INPP4B: variants seen among roughly 807,000 people sequenced by gnomAD.
INPP4B encodes the protein inositol polyphosphate-4-phosphatase type II B, also known as inositol polyphosphate 4-phosphatase type II.
In INPP4B, 55 loss-of-function variants were observed where a neutral mutation model predicts 122.5. The observed-to-expected ratio is 0.45, with a 90% confidence interval of 0.36 to 0.56. The LOEUF is 0.56. Ranked by LOEUF, INPP4B falls within the 20% of genes least tolerant of loss-of-function variation. The pLI is 0.00. For synonymous variants in INPP4B, 403 were observed against 388.7 expected (o/e 1.04, Z -0.43); for missense variants, 1,000 against 1,097.7 (o/e 0.91, Z 1.26).
At chr4:142,522,724 A>C (rs1455429762) in intron 2 of INPP4B, among the ~76,000 whole-genome samples, 1 of 152,074 alleles carries the variant, frequency 6.6e-6, no homozygotes, top group East Asian at 1.9e-4. Context: ...CACAATAAGA[A>C]CATGGGTTTT....
At chr4:142,348,944 G>C (rs1243430746) in intron 7 of INPP4B, among the ~76,000 whole-genome samples, 2 of 152,106 alleles carry the variant, frequency 1.3e-5, no homozygotes, top group Non-Finnish European at 1.5e-5. Flanking sequence ...TTACAGCTCA[G>C]CCTTGCCAGC....
chr4:142,105,238 A>C (rs1163894102), intron 23 of INPP4B, among the ~76,000 whole-genome samples: 1 of 152,170 alleles, frequency 6.6e-6, no homozygotes, highest in Non-Finnish European at 1.5e-5. Flanking sequence ...ATTTATTCCA[A>C]ATGAAACTGA....
intron 16 of INPP4B, among the ~76,000 whole-genome samples, chr4:142,161,317 C>T (rs1819976663): frequency 1.3e-5 from 2 of 151,960 alleles, no homozygotes; most frequent in South Asian, 2.1e-4. Context: ...TTTGCAATTT[C>T]CTGATGAAAT....
intron 1 of INPP4B, among the ~76,000 whole-genome samples, chr4:142,750,199 T>A (rs1769457516): frequency 6.6e-6 from 1 of 151,930 alleles, no homozygotes; most frequent in Non-Finnish European, 1.5e-5. Context: ...AGAATATCAA[T>A]ACATATGTGG....
chr4:142,464,314 A>G (rs1817312317), intron 2 of INPP4B, among the ~76,000 whole-genome samples: 1 of 152,190 alleles, frequency 6.6e-6, no homozygotes, highest in Admixed American at 6.6e-5. Context: ...TTATTTGGTC[A>G]AAAGATGTAG....
At chr4:142,658,108 A>G in intron 2 of INPP4B, among the ~76,000 whole-genome samples, 1 of 152,222 alleles carries the variant, frequency 6.6e-6, no homozygotes, top group East Asian at 1.9e-4. Context: ...GGTTATGTTA[A>G]GTTATTGTAA....
chr4:142,774,272 G>A (rs1006283881), intron 1 of INPP4B, among the ~76,000 whole-genome samples: 1 of 151,410 alleles, frequency 6.6e-6, no homozygotes, highest in Non-Finnish European at 1.5e-5. Context: ...GTTGGCTAAC[G>A]CACCTGAGAT....
Position 142,305,547 on chromosome 4 carries a change from A to G in INPP4B, c.424-10T>C. 1 of 1,608,324 alleles carries G rather than the reference A, an allele frequency of 6.2e-7. No homozygotes were observed. The highest frequency in any genetic ancestry group is 8.5e-7 in the Non-Finnish European group (1 of 1,177,504). ...AGCCCAAGAAACTTCGCTGAAAATA[A>G]CAGAAAGAATGGTTTCATTAACTTG... On this transcript the variant is annotated splice_polypyrimidine_tract_variant and intron_variant, in intron 8 of 25. Coordinates refer to ENST00000262992, the MANE Select transcript of INPP4B (RefSeq NM_001101669.3).
intron 7 of INPP4B, among the ~76,000 whole-genome samples, chr4:142,333,012 A>T (rs891154799): frequency 7.4e-6 from 1 of 136,054 alleles, no homozygotes; most frequent in African/African-American, 3.1e-5. Context: ...CTCCGTCTCA[A>T]AAAAAAAAAA....
At chr4:142,841,052 A>G (rs754056338) in intron 1 of INPP4B, among the ~76,000 whole-genome samples, 1 of 152,066 alleles carries the variant, frequency 6.6e-6, no homozygotes, top group Non-Finnish European at 1.5e-5. Flanking sequence ...TTTAAAAAAA[A>G]GTGATTTTTA....
At chr4:142,784,726 GT>G (rs112447468) in intron 1 of INPP4B, among the ~76,000 whole-genome samples, 2 of 150,842 alleles carry the variant, frequency 1.3e-5, no homozygotes, top group African/African-American at 4.9e-5. Context: ...TGAGAAAAAT[GT>G]TTTTTTTTGG....
chr4:142,051,256 T>G (rs1754436168), intron 25 of INPP4B, among the ~76,000 whole-genome samples: 1 of 152,052 alleles, frequency 6.6e-6, no homozygotes, highest in Non-Finnish European at 1.5e-5. Context: ...GTTTTGAACA[T>G]AATACCTTTA....
intron 5 of INPP4B, among the ~76,000 whole-genome samples, chr4:142,413,798 G>A (rs1805105385): frequency 6.6e-6 from 1 of 152,018 alleles, no homozygotes; most frequent in Non-Finnish European, 1.5e-5. Context: ...TTAACCAATA[G>A]CTTAGTATTC....
intron 2 of INPP4B, among the ~76,000 whole-genome samples, chr4:142,495,174 C>T (rs565620538): frequency 2.8e-4 from 43 of 151,932 alleles, no homozygotes; most frequent in Non-Finnish European, 2.9e-4. Flanking sequence ...ATCTATTATA[C>T]GTGAAACTAT....
intron 2 of INPP4B, among the ~76,000 whole-genome samples, chr4:142,497,685 T>C (rs1308953708): frequency 6.6e-6 from 1 of 152,190 alleles, no homozygotes; most frequent in East Asian, 1.9e-4. Flanking sequence ...TTCATTGACT[T>C]TTTCAAAATT....
intron 17 of INPP4B, among the ~76,000 whole-genome samples, chr4:142,148,649 T>C (rs1561290237): frequency 6.6e-6 from 1 of 152,212 alleles, no homozygotes; most frequent in African/African-American, 2.4e-5. Context: ...AAAAGATAAT[T>C]TGACATTCAC....
At chr4:142,644,926 A>AGC (rs1751413596) in intron 2 of INPP4B, among the ~76,000 whole-genome samples, 2 of 137,250 alleles carry the variant, frequency 1.5e-5, no homozygotes, top group African/African-American at 5.2e-5. Context: ...AAAAAAAAAA[A>AGC]GCAAAGAGAA....
intron 2 of INPP4B, among the ~76,000 whole-genome samples, chr4:142,522,520 T>C (rs1826229171): frequency 6.6e-6 from 1 of 151,918 alleles, no homozygotes; most frequent in South Asian, 2.1e-4. Flanking sequence ...TTTCCAGTGA[T>C]ATTTCTTGGT....
intron 1 of INPP4B, among the ~76,000 whole-genome samples, chr4:142,758,881 T>C (rs774133309): frequency 1.3e-5 from 2 of 148,474 alleles, no homozygotes. Flanking sequence ...TGAACCCAGA[T>C]GGTGGAAGTT....
Sources: allele counts gnomAD v4.1 joint callset (sites outside exome capture counted in the v4.1 genomes callset), GRCh38; gene constraint gnomAD v4.1.1; transcripts MANE v1.5; gene names NCBI Gene and HGNC (gene_info 2026-07-23, HGNC 2026-07-21).